The following TMEM117 variants were observed in gnomAD, a reference collection of about 807,000 sequenced individuals.
The protein encoded by TMEM117 is transmembrane protein 117.
TMEM117 carries 27 observed loss-of-function variants against 52.4 expected under a neutral mutation model. The observed-to-expected ratio is 0.51, with a 90% CI of 0.38 to 0.71. The LOEUF is 0.71. TMEM117 is among the 30% of genes least tolerant of loss of function. The pLI is 0.00. For synonymous variants in TMEM117, 215 were observed against 206.3 expected, an observed-to-expected ratio of 1.04 and a Z score of -0.36; for missense variants, 556 against 630.5, an observed-to-expected ratio of 0.88 and a Z score of 1.26.
At chr12:43,903,249 G>GC (rs1944333474) in intron 2 of TMEM117, among the ~76,000 whole-genome samples, 2 of 152,214 alleles carry the variant, frequency 1.3e-5, no homozygotes, top group African/African-American at 4.8e-5. Context: ...TTTTTCTAGT[G>GC]TGCTGGATGG....
intron 3 of TMEM117, among the ~76,000 whole-genome samples, chr12:43,978,296 G>A (rs774407746): frequency 6.0e-4 from 92 of 152,162 alleles, no homozygotes; most frequent in Non-Finnish European, 3.5e-4. Context: ...TGCTGAAGTT[G>A]AAGAAAAAGT....
intron 2 of TMEM117, among the ~76,000 whole-genome samples, chr12:43,927,131 T>A (rs1198864787): frequency 6.6e-6 from 1 of 152,044 alleles, no homozygotes; most frequent in Admixed American, 6.5e-5. Flanking sequence ...TTTCTTAATC[T>A]CCATTGGGAT....
chr12:44,397,131 C>A, the TMEM117 span, among the ~76,000 whole-genome samples: 1 of 152,142 alleles, frequency 6.6e-6, no homozygotes, highest in African/African-American at 2.4e-5. Context: ...GGAGTGAGAG[C>A]AAACCAGGAC....
At chr12:44,085,609 A>G (rs1947553979) in intron 3 of TMEM117, among the ~76,000 whole-genome samples, 1 of 152,212 alleles carries the variant, frequency 6.6e-6, no homozygotes, top group Non-Finnish European at 1.5e-5. Context: ...ACATTGAGAA[A>G]CATATGTTTA....
At chr12:44,116,650 G>A (rs888033676) in intron 3 of TMEM117, among the ~76,000 whole-genome samples, 4 of 152,212 alleles carry the variant, frequency 2.6e-5, no homozygotes, top group Admixed American at 2.0e-4. Context: ...AAAATTGAAT[G>A]TATCTCCTCT....
intron 6 of TMEM117, among the ~76,000 whole-genome samples, chr12:44,347,430 C>G (rs1036632155): frequency 6.6e-6 from 1 of 152,018 alleles, no homozygotes; most frequent in Non-Finnish European, 1.5e-5. Flanking sequence ...ATTAGTTTCT[C>G]TGAATGATTC....
intron 3 of TMEM117, among the ~76,000 whole-genome samples, chr12:43,948,641 TGAG>T (rs1945172483): frequency 6.6e-6 from 1 of 152,176 alleles, no homozygotes; most frequent in African/African-American, 2.4e-5. Flanking sequence ...AGGGTTCTGC[TGAG>T]GAGAAGGTGC....
chr12:44,366,422 A>C (rs553394228), intron 6 of TMEM117, among the ~76,000 whole-genome samples: 2 of 152,112 alleles, frequency 1.3e-5, no homozygotes, highest in Non-Finnish European at 2.9e-5. Flanking sequence ...CTGGACTAAC[A>C]ATAGTTTCAG....
chr12:44,115,039 C>T (rs982839786), intron 3 of TMEM117, among the ~76,000 whole-genome samples: 1 of 152,142 alleles, frequency 6.6e-6, no homozygotes, highest in Non-Finnish European at 1.5e-5. Flanking sequence ...TCTTTAAGAG[C>T]TGTATACATG....
At chr12:44,095,569 T>G (rs1235443704) in intron 3 of TMEM117, among the ~76,000 whole-genome samples, 2 of 151,778 alleles carry the variant, frequency 1.3e-5, no homozygotes, top group East Asian at 3.9e-4. Context: ...GAAGAAAAAA[T>G]GAAAGTAGGC....
At chr12:43,891,287 G>A (rs575754048) in intron 2 of TMEM117, among the ~76,000 whole-genome samples, 71 of 151,218 alleles carry the variant, frequency 4.7e-4, no homozygotes, top group African/African-American at 1.6e-3. Context: ...TCCTCATTGA[G>A]CTTACAGTCT....
intron 5 of TMEM117, among the ~76,000 whole-genome samples, chr12:44,284,042 C>T (rs781457524): frequency 6.6e-5 from 10 of 152,180 alleles, no homozygotes; most frequent in African/African-American, 1.9e-4. Flanking sequence ...TGGCCGGGTG[C>T]GGTGGCTCAC....
At chr12:44,252,649 T>C (rs1227186390) in intron 5 of TMEM117, among the ~76,000 whole-genome samples, 1 of 152,224 alleles carries the variant, frequency 6.6e-6, no homozygotes, top group Non-Finnish European at 1.5e-5. Context: ...TCTTATAGAA[T>C]AGTTGTCTAG....
intron 3 of TMEM117, among the ~76,000 whole-genome samples, chr12:43,992,645 G>T (rs1945962809): frequency 6.6e-6 from 1 of 152,130 alleles, no homozygotes; most frequent in Non-Finnish European, 1.5e-5. Context: ...TTCTGAAATA[G>T]ACAGTGTTCC....
chr12:44,341,180 A>T (rs550775704), intron 6 of TMEM117, among the ~76,000 whole-genome samples: 5 of 151,622 alleles, frequency 3.3e-5, no homozygotes, highest in South Asian at 2.1e-4. Flanking sequence ...GAAAAAAAAA[A>T]TTTTAAAGTC....
At chr12:44,280,208 C>T (rs1950561271) in intron 5 of TMEM117, among the ~76,000 whole-genome samples, 1 of 152,148 alleles carries the variant, frequency 6.6e-6, no homozygotes, top group Non-Finnish European at 1.5e-5. Context: ...CTCCAGCTGA[C>T]TGTTGTTAAT....
chr12:44,395,708 C>G, the TMEM117 span, among the ~76,000 whole-genome samples: 1 of 152,164 alleles, frequency 6.6e-6, no homozygotes, highest in Non-Finnish European at 1.5e-5. Flanking sequence ...TTTCTAGGGT[C>G]TTACAGTCTT....
chr12:43,960,954 G>T (rs1280357560), intron 3 of TMEM117, among the ~76,000 whole-genome samples: 2 of 152,056 alleles, frequency 1.3e-5, no homozygotes, highest in Non-Finnish European at 2.9e-5. Flanking sequence ...AAAAAATCTT[G>T]GTTGTCTTTG....
intron 3 of TMEM117, among the ~76,000 whole-genome samples, chr12:44,101,677 T>C (rs1182434336): frequency 7.2e-5 from 11 of 152,048 alleles, no homozygotes. Context: ...AGAAAATTCT[T>C]GCATGGCATG....
Sources: allele counts gnomAD v4.1 joint callset (sites outside exome capture counted in the v4.1 genomes callset), GRCh38; gene constraint gnomAD v4.1.1; transcripts MANE v1.5; gene names NCBI Gene and HGNC (gene_info 2026-07-23, HGNC 2026-07-21).